Variants in PNPT1 observed in about 807,000 individuals in gnomAD.
PNPT1 encodes polyribonucleotide nucleotidyltransferase 1.
PNPT1 carries 53 observed loss-of-function variants against 119.5 expected under a neutral mutation model. The ratio of observed to expected loss-of-function variants is 0.44; its 90% CI spans 0.36 to 0.56. PNPT1 has a LOEUF of 0.56. Ranked by LOEUF, PNPT1 falls within the 20% of genes least tolerant of loss-of-function variation. The pLI is 0.00. For synonymous variants in PNPT1, 357 were observed against 322.1 expected, an observed-to-expected ratio of 1.11 and a Z score of -1.16; for missense variants, 948 against 938.5, an observed-to-expected ratio of 1.01 and a Z score of -0.13.
At chr2:55,668,027 A>G (rs1696792774) in intron 11 of PNPT1, 69 bp from the exon 12 acceptor site, 5 of 1,323,194 alleles carry the variant, frequency 3.8e-6, no homozygotes, top group African/African-American at 1.5e-5. Flanking sequence ...TCTAAAGTTC[A>G]TAGCATAATA....
chr2:55,644,287 G>C (rs1695921764), intron 23 of PNPT1, among the ~76,000 whole-genome samples: 1 of 151,964 alleles, frequency 6.6e-6, no homozygotes, highest in South Asian at 2.1e-4. Flanking sequence ...AAATAAAAGA[G>C]TTAAAATAAA....
chr2:55,684,818 T>C (rs1697350813), intron 4 of PNPT1, 125 bp downstream of exon 4: 1 of 1,208,840 alleles, frequency 8.3e-7, no homozygotes, highest in Non-Finnish European at 1.1e-6. Flanking sequence ...AAGGAGTGAA[T>C]AATCTTAGGT....
intron 1 of PNPT1, among the ~76,000 whole-genome samples, chr2:55,691,216 GTTGA>G (rs1697589459): frequency 6.6e-6 from 1 of 152,196 alleles, no homozygotes; most frequent in Non-Finnish European, 1.5e-5. Context: ...GGCATATTCT[GTTGA>G]ATATCCTCAG....
Position 55,652,091 on chromosome 2 carries a change from GTC to G in PNPT1, c.1495+2807_1495+2808del, listed in dbSNP as rs1696230034. ...CTTTAAAATCAGATGAAATGTAGCA[GTC>G]TCTCTCAGCCAATTATGCTCAGCCT... is the stretch of plus-strand genomic sequence containing the variant. On this transcript the variant is annotated intron_variant, in intron 18 of 27. Coordinates refer to ENST00000447944, the MANE Select transcript of PNPT1 (RefSeq NM_033109.5). Among the ~76,000 whole-genome samples the G allele has an allele frequency of 2.6e-5, 4 of 152,248 alleles. No individual in the cohort carries two copies. The South Asian group carries it at 8.3e-4, about 32-fold the overall frequency.
chr2:55,687,618 T>C (rs1425590285), intron 2 of PNPT1, 27 bp downstream of exon 2: 8 of 1,536,074 alleles, frequency 5.2e-6, no homozygotes, highest in Non-Finnish European at 6.2e-6. Context: ...ATTTTTAAGA[T>C]GAATTTTAAA....
chr2:55,652,200 T>A (rs1696232964), intron 18 of PNPT1, among the ~76,000 whole-genome samples: 1 of 152,190 alleles, frequency 6.6e-6, no homozygotes, highest in Non-Finnish European at 1.5e-5. Flanking sequence ...ACCTTTAAGC[T>A]TTTTCAAAAA....
chr2:55,670,468 G>C (rs1426219975), intron 11 of PNPT1, among the ~76,000 whole-genome samples: 1 of 152,188 alleles, frequency 6.6e-6, no homozygotes, highest in Non-Finnish European at 1.5e-5. Context: ...TTACAGGCGT[G>C]AGCCACCGCG....
intron 3 of PNPT1, among the ~76,000 whole-genome samples, chr2:55,685,696 C>T (rs1697384981): frequency 6.6e-6 from 1 of 152,174 alleles, no homozygotes; most frequent in African/African-American, 2.4e-5. Flanking sequence ...ATAAAATTCT[C>T]ATGAGCTCAT....
intron 18 of PNPT1, among the ~76,000 whole-genome samples, chr2:55,653,885 C>G (rs911612539): frequency 3.3e-5 from 5 of 152,062 alleles, no homozygotes; most frequent in Non-Finnish European, 7.4e-5. Flanking sequence ...CTTTTGTGGC[C>G]TCTTTAGTGT....
intron 13 of PNPT1, among the ~76,000 whole-genome samples, chr2:55,665,702 C>T (rs1696711729): frequency 6.6e-6 from 1 of 152,198 alleles, no homozygotes; most frequent in African/African-American, 2.4e-5. Flanking sequence ...ATGGTTTATG[C>T]AGTGACCATG....
intron 26 of PNPT1, among the ~76,000 whole-genome samples, chr2:55,639,119 G>C (rs957953459): frequency 2.6e-5 from 4 of 152,060 alleles, no homozygotes; most frequent in Non-Finnish European, 4.4e-5. Flanking sequence ...TTACCGTTAA[G>C]TTTCAAACTA....
Position 55,643,222 on chromosome 2 carries a change from G to A in PNPT1, c.2014-9C>T, listed in dbSNP as rs1695888227. 1.2e-6 allele frequency: 2 copies of A among 1,613,978 alleles called. No homozygotes were observed. Among genetic ancestry groups the A allele is most frequent in the Non-Finnish European group, 1.7e-6 (2 of 1,180,008 alleles). On this transcript the variant is annotated splice_polypyrimidine_tract_variant and intron_variant, in intron 24 of 27. Coordinates refer to ENST00000447944, the MANE Select transcript of PNPT1 (RefSeq NM_033109.5). ...TCTAATTGCTGCTCCTGCTGTAAGT[G>A]CAAAATAAGCCATAAGATTCATAAA...
chr2:55,651,268 G>A (rs1241946836), intron 18 of PNPT1, among the ~76,000 whole-genome samples: 1 of 152,156 alleles, frequency 6.6e-6, no homozygotes, highest in African/African-American at 2.4e-5. Context: ...CCCCGTCTGG[G>A]AGGTGTGCCC....
chr2:55,640,367 T>C (rs1234171582), intron 26 of PNPT1, among the ~76,000 whole-genome samples: 1 of 152,230 alleles, frequency 6.6e-6, no homozygotes, highest in Non-Finnish European at 1.5e-5. Flanking sequence ...TTGGTCAGGA[T>C]GGTCTCCATT....
intron 27 of PNPT1, 113 bp downstream of exon 27, chr2:55,637,439 A>G (rs1695709623): frequency 2.2e-6 from 2 of 928,490 alleles, no homozygotes; most frequent in African/African-American, 1.7e-5. Context: ...GAAGTACTGC[A>G]TACAAATAAA....
At chr2:55,646,180 A>G in intron 21 of PNPT1, 79 bp downstream of exon 21, 2 of 1,340,846 alleles carry the variant, frequency 1.5e-6, no homozygotes, top group Non-Finnish European at 2.1e-6. Flanking sequence ...GCAATATTTT[A>G]TAATAAGCCT....
chr2:55,647,676 C>A (rs12616982), intron 18 of PNPT1, among the ~76,000 whole-genome samples: 1 of 151,994 alleles, frequency 6.6e-6, no homozygotes, highest in East Asian at 1.9e-4. Flanking sequence ...CCCGCCAACA[C>A]GCCTAGCTAA....
intron 22 of PNPT1, 36 bp downstream of exon 22, chr2:55,645,313 C>T (rs761030282): frequency 2.0e-5 from 29 of 1,467,724 alleles, no homozygotes; most frequent in East Asian, 1.1e-4. Flanking sequence ...CGTGAGCCAC[C>T]GCGCCCAGCC....
intron 13 of PNPT1, among the ~76,000 whole-genome samples, chr2:55,662,720 G>A (rs1221396320): frequency 1.3e-5 from 2 of 152,004 alleles, no homozygotes; most frequent in African/African-American, 4.8e-5. Context: ...AGTCTTCTTT[G>A]TAGAGACATA....
Sources: allele counts gnomAD v4.1 joint callset (sites outside exome capture counted in the v4.1 genomes callset), GRCh38; gene constraint gnomAD v4.1.1; transcripts MANE v1.5; gene names NCBI Gene and HGNC (gene_info 2026-07-23, HGNC 2026-07-21).